Variants in IL1RAP observed in about 807,000 individuals in gnomAD.
IL1RAP encodes interleukin-1 receptor accessory protein.
IL1RAP carries 35 observed loss-of-function variants against 60.7 expected under a neutral mutation model. The ratio of observed to expected loss-of-function variants is 0.58; its 90% CI spans 0.44 to 0.76. The LOEUF is 0.76. Among genes scored for constraint, IL1RAP ranks in the 30% least tolerant of loss-of-function variants. The probability of loss-of-function intolerance (pLI) is 0.00; values close to 1 mark genes in which losing one functional copy is unlikely to be tolerated. For missense variants in IL1RAP, 572 were observed against 693.9 expected, an observed-to-expected ratio of 0.82 and a Z score of 1.97; for synonymous variants, 268 against 250.9, an observed-to-expected ratio of 1.07 and a Z score of -0.64.
chr3:190,531,040 C>A (rs1177324608), intron 1 of IL1RAP, among the ~76,000 whole-genome samples: 1 of 152,150 alleles, frequency 6.6e-6, no homozygotes, highest in Non-Finnish European at 1.5e-5. Flanking sequence ...CTCTATGCAC[C>A]ACTGCCTGAT....
chr3:190,550,135 C>T (rs1322098206), intron 1 of IL1RAP, among the ~76,000 whole-genome samples: 1 of 152,226 alleles, frequency 6.6e-6, no homozygotes, highest in Non-Finnish European at 1.5e-5. Flanking sequence ...GAAGTATCTT[C>T]TCTCACCTAT....
chr3:190,649,762 G>C lies in IL1RAP; in HGVS notation c.*1057G>C. 1 of 985,506 alleles carries C rather than the reference G, an allele frequency of 1.0e-6. No homozygotes were observed. Among genetic ancestry groups the C allele is most frequent in the Non-Finnish European group, 1.2e-6 (1 of 829,898 alleles). 61.0% of individuals were successfully genotyped at this position (985,506 alleles called of 1,614,324 possible). ...TCTAAGAGAATTAACTGTATTTCCT[G>C]TCACCTATTCACTAGTGCAGGAAAT... On this transcript the variant is annotated 3_prime_UTR_variant, in exon 12 of 12. Coordinates refer to ENST00000447382, the MANE Select transcript of IL1RAP (RefSeq NM_002182.4).
At chr3:190,594,329 G>A (rs1270825597) in intron 3 of IL1RAP, among the ~76,000 whole-genome samples, 1 of 152,130 alleles carries the variant, frequency 6.6e-6, no homozygotes, top group African/African-American at 2.4e-5. Flanking sequence ...GTTCAGGGCT[G>A]GTAAGGCAAC....
rs1468711089 is a variant in IL1RAP, at chr3:190,648,805, T to C, written c.*100T>C. On this transcript the variant is annotated 3_prime_UTR_variant, in exon 12 of 12. Transcript: ENST00000447382. ...TTTATGGTTTCATAGGCAAAAATAA[T>C]GGTCTAAGCCTCCCAATAGGGATAA... The C allele has an allele frequency of 2.0e-6, 3 of 1,477,548 alleles. No homozygotes were observed. The highest frequency in any genetic ancestry group is 2.7e-6 in the Non-Finnish European group (3 of 1,116,012). 91.5% of individuals were successfully genotyped at this position (1,477,548 alleles called of 1,614,324 possible).
chr3:190,596,907 A>T (rs1729424145), intron 3 of IL1RAP, among the ~76,000 whole-genome samples: 1 of 152,182 alleles, frequency 6.6e-6, no homozygotes, highest in South Asian at 2.1e-4. Flanking sequence ...TTCATTGAAT[A>T]ATATAAAAAG....
chr3:190,583,710 G>C (rs1428133807), intron 3 of IL1RAP, among the ~76,000 whole-genome samples: 1 of 152,198 alleles, frequency 6.6e-6, no homozygotes, highest in Non-Finnish European at 1.5e-5. Context: ...TATATATCCA[G>C]AGGTGTAGTG....
chr3:190,644,188 T>C, intron 9 of IL1RAP, 60 bp from the exon 10 acceptor site: 1 of 1,556,214 alleles, frequency 6.4e-7, no homozygotes, highest in East Asian at 2.3e-5. Context: ...TTTGCCGGGA[T>C]GGTGGGTCAC....
intron 3 of IL1RAP, among the ~76,000 whole-genome samples, chr3:190,581,222 C>G (rs901735132): frequency 2.0e-5 from 3 of 152,160 alleles, no homozygotes; most frequent in African/African-American, 7.2e-5. Context: ...GGACTCAAGT[C>G]AAATCCTGGT....
chr3:190,605,826 T>G (rs1473446990), intron 4 of IL1RAP, among the ~76,000 whole-genome samples: 1 of 152,170 alleles, frequency 6.6e-6, no homozygotes, highest in African/African-American at 2.4e-5. Context: ...AGTTATGTCT[T>G]TAAATGTTCT....
In IL1RAP at chr3:190,547,060, G is replaced by T. The variant is rs1210285570; in HGVS notation, c.-88-9070G>T. 2.0e-5 allele frequency among the ~76,000 whole-genome samples: 3 copies of T among 152,280 alleles called. No homozygotes were observed. In the South Asian group the frequency reaches 6.2e-4, roughly 32 times the overall value. Reference sequence around the variant, plus strand: ...ACTGCTTGAGCACCTCTCTGTGAGGGAGGCCAGTGTTCTGTTTTTTTGTAA... The same window carrying T: ...ACTGCTTGAGCACCTCTCTGTGAGGTAGGCCAGTGTTCTGTTTTTTTGTAA... On this transcript the variant is annotated intron_variant, in intron 1 of 11. Coordinates refer to ENST00000447382, the MANE Select transcript of IL1RAP (RefSeq NM_002182.4).
chr3:190,549,715 AAT>A (rs145349028), intron 1 of IL1RAP, among the ~76,000 whole-genome samples: 17,124 of 152,272 alleles, frequency 0.11, 1,291 homozygotes, highest in Middle Eastern at 0.2. Context: ...TCCCGAGCCC[AAT>A]ACTAAGTCAA....
intron 3 of IL1RAP, among the ~76,000 whole-genome samples, chr3:190,592,245 C>T (rs1293439781): frequency 1.3e-5 from 2 of 152,172 alleles, no homozygotes; most frequent in Non-Finnish European, 2.9e-5. Context: ...GTCTCGAACT[C>T]GACCTCAGGT....
intron 1 of IL1RAP, among the ~76,000 whole-genome samples, chr3:190,551,240 C>A (rs1387618055): frequency 6.6e-6 from 1 of 152,200 alleles, no homozygotes; most frequent in East Asian, 1.9e-4. Context: ...ATTGGCTCTG[C>A]AAGTTGAGCT....
intron 9 of IL1RAP, among the ~76,000 whole-genome samples, chr3:190,637,286 C>A (rs915132037): frequency 6.6e-5 from 10 of 152,132 alleles, no homozygotes; most frequent in African/African-American, 2.2e-4. Context: ...TCTGGTACAT[C>A]TGCTGGTGAC....
chr3:190,546,446 T>TC (rs1251735354), intron 1 of IL1RAP, among the ~76,000 whole-genome samples: 1 of 152,162 alleles, frequency 6.6e-6, no homozygotes, highest in Non-Finnish European at 1.5e-5. Context: ...AGTAATTCCT[T>TC]CCCCACAGCA....
exon 12 of IL1RAP, chr3:190,656,739 CTATT>C: frequency 6.5e-6 from 4 of 614,518 alleles, no homozygotes; most frequent in Non-Finnish European, 1.1e-5. Flanking sequence ...TTTTTAAAAA[CTATT>C]TATTTCTAGG....
intron 5 of IL1RAP, among the ~76,000 whole-genome samples, chr3:190,614,413 A>C (rs561443596): frequency 6.6e-6 from 1 of 152,188 alleles, no homozygotes; most frequent in African/African-American, 2.4e-5. Context: ...GTTCATATGT[A>C]ACACCAGCTC....
At chr3:190,624,319 C>T (rs762468523) in intron 7 of IL1RAP, among the ~76,000 whole-genome samples, 1 of 152,222 alleles carries the variant, frequency 6.6e-6, no homozygotes, top group Non-Finnish European at 1.5e-5. Context: ...TCCGTCCAGG[C>T]TTGACTGGCA....
chr3:190,637,735 G>T (rs1733333771), intron 9 of IL1RAP, among the ~76,000 whole-genome samples: 1 of 151,914 alleles, frequency 6.6e-6, no homozygotes, highest in African/African-American at 2.4e-5. Flanking sequence ...ACCATCACCA[G>T]AAAGTAACAT....
Sources: allele counts gnomAD v4.1 joint callset (sites outside exome capture counted in the v4.1 genomes callset), GRCh38; gene constraint gnomAD v4.1.1; transcripts MANE v1.5; gene names NCBI Gene and HGNC (gene_info 2026-07-23, HGNC 2026-07-21).